LARGE1: variants seen among roughly 807,000 people sequenced by gnomAD.
LARGE1 encodes the protein xylosyl- and glucuronyltransferase LARGE1.
In LARGE1, 43 loss-of-function variants were observed where a neutral mutation model predicts 87.6. The ratio of observed to expected loss-of-function variants is 0.49; its 90% CI spans 0.38 to 0.63. The LOEUF (loss-of-function observed/expected upper bound fraction) is 0.63. LARGE1 is among the 30% of genes least tolerant of loss of function. The pLI is 0.00. For synonymous variants in LARGE1, 434 were observed against 394.6 expected (o/e 1.10, Z -1.18); for missense variants, 802 against 1,000.2 (o/e 0.80, Z 2.67).
At chr22:33,836,787 T>C (rs1195570179) in intron 1 of LARGE1, among the ~76,000 whole-genome samples, 4 of 149,228 alleles carry the variant, frequency 2.7e-5, no homozygotes, top group African/African-American at 7.7e-5. Flanking sequence ...CATCATTATC[T>C]ACCTTACTGG....
At chr22:33,314,426 C>T (rs940197226) in intron 11 of LARGE1, among the ~76,000 whole-genome samples, 3 of 152,198 alleles carry the variant, frequency 2.0e-5, no homozygotes, top group Admixed American at 6.5e-5. Flanking sequence ...TTGCCTCCAG[C>T]GCCAGGTTCC....
At chr22:33,681,399 G>A (rs1172970399) in intron 2 of LARGE1, among the ~76,000 whole-genome samples, 2 of 152,124 alleles carry the variant, frequency 1.3e-5, no homozygotes, top group African/African-American at 4.8e-5. Flanking sequence ...CCCAGGTCTG[G>A]TATTTATTAA....
At chr22:33,561,597 A>T (rs2077864036) in intron 6 of LARGE1, among the ~76,000 whole-genome samples, 1 of 152,214 alleles carries the variant, frequency 6.6e-6, no homozygotes, top group Non-Finnish European at 1.5e-5. Context: ...TTCTTGCAAC[A>T]GTCCCAACAG....
At chr22:33,188,700 T>A (rs1197578488) in intron 11 of LARGE1, among the ~76,000 whole-genome samples, 1 of 152,166 alleles carries the variant, frequency 6.6e-6, no homozygotes, top group Non-Finnish European at 1.5e-5. Flanking sequence ...TAATGACAAT[T>A]GGAGCTGGAG....
At chr22:33,198,480 T>G (rs929747583) in intron 11 of LARGE1, among the ~76,000 whole-genome samples, 1 of 152,048 alleles carries the variant, frequency 6.6e-6, no homozygotes, top group Non-Finnish European at 1.5e-5. Flanking sequence ...ATGTGTATAT[T>G]GCATAGTGGT....
chr22:33,270,788 A>G (rs1928201720), downstream of LARGE1, among the ~76,000 whole-genome samples: 1 of 152,214 alleles, frequency 6.6e-6, no homozygotes, highest in Non-Finnish European at 1.5e-5. Context: ...AAAGGAACAG[A>G]ATTAAAGTAG....
chr22:33,312,350 G>T (rs1180804787), intron 11 of LARGE1, among the ~76,000 whole-genome samples: 1 of 149,578 alleles, frequency 6.7e-6, no homozygotes, highest in East Asian at 2.0e-4. Flanking sequence ...TGAGGCGGGA[G>T]AATCGCTCGA....
At chr22:33,248,709 T>G (rs1926881509) in intron 11 of LARGE1, among the ~76,000 whole-genome samples, 1 of 152,182 alleles carries the variant, frequency 6.6e-6, no homozygotes, top group Non-Finnish European at 1.5e-5. Flanking sequence ...TTTCTCTGTG[T>G]GGTCAACTCC....
intron 1 of LARGE1, among the ~76,000 whole-genome samples, chr22:33,823,350 CCCAAGGACAGA>C (rs1412865665): frequency 6.6e-6 from 1 of 152,164 alleles, no homozygotes; most frequent in African/African-American, 2.4e-5. Flanking sequence ...TAATAAGCTG[CCCAAGGACAGA>C]AGCCTTATGT....
At position 33,541,376 on chromosome 22, in the gene LARGE1, C is replaced by A. The variant is rs565432780; in HGVS notation, c.787+23472G>T. On this transcript the variant is annotated intron_variant, in intron 6 of 14. Transcript: ENST00000397394. ...AAGACGAAAAAGACTGGTATACAAA[C>A]AGGATTATATTATGATCCCAATTTT... Among the ~76,000 whole-genome samples, 5 of 152,148 alleles carry A rather than the reference C, an allele frequency of 3.3e-5. No individual in the cohort carries two copies. The South Asian group carries it at 8.3e-4, about 25-fold the overall frequency.
chr22:33,107,466 A>T, the LARGE1 span, among the ~76,000 whole-genome samples: 2 of 152,144 alleles, frequency 1.3e-5, no homozygotes, highest in Admixed American at 1.3e-4. Context: ...GAGGTAGGAG[A>T]CTTGCTGGAG....
chr22:33,100,405 C>A, the LARGE1 span, among the ~76,000 whole-genome samples: 1 of 145,526 alleles, frequency 6.9e-6, no homozygotes, highest in Non-Finnish European at 1.5e-5. Flanking sequence ...AATCTAAGTT[C>A]ATCAAAATAT....
At chr22:33,541,068 C>T (rs1008791449) in intron 6 of LARGE1, among the ~76,000 whole-genome samples, 4 of 12,338 alleles carry the variant, frequency 3.2e-4, no homozygotes, top group Admixed American at 1.2e-3. Context: ...GGGGGGGGGG[C>T]GGGGGGCGGG....
chr22:33,246,233 CAT>C (rs1221103077), intron 11 of LARGE1, among the ~76,000 whole-genome samples: 1 of 152,192 alleles, frequency 6.6e-6, no homozygotes, highest in African/African-American at 2.4e-5. Flanking sequence ...TCATTCAAAA[CAT>C]GTACAAATCA....
intron 7 of LARGE1, among the ~76,000 whole-genome samples, chr22:33,397,660 C>T (rs150382316): frequency 7.9e-5 from 12 of 152,260 alleles, no homozygotes; most frequent in Admixed American, 4.6e-4. Context: ...TGTCTTTTGA[C>T]GGCATGTGTA....
intron 12 of LARGE1, among the ~76,000 whole-genome samples, chr22:33,286,080 G>A (rs768741698): frequency 1.3e-5 from 2 of 152,154 alleles, no homozygotes; most frequent in African/African-American, 2.4e-5. Context: ...GAGGAGGTTC[G>A]TAAAGGACGA....
intron 6 of LARGE1, among the ~76,000 whole-genome samples, chr22:33,432,562 A>T (rs2067115064): frequency 2.7e-5 from 4 of 150,322 alleles, no homozygotes; most frequent in Non-Finnish European, 5.9e-5. Context: ...AGAATCCCAA[A>T]TCATTCATTC....
At chr22:33,131,926 A>G in the LARGE1 span, among the ~76,000 whole-genome samples, 4 of 152,186 alleles carry the variant, frequency 2.6e-5, no homozygotes, top group Non-Finnish European at 4.4e-5. Flanking sequence ...TCATGGCAGA[A>G]GGCAAGGAGG....
intron 2 of LARGE1, among the ~76,000 whole-genome samples, chr22:33,670,224 TC>T (rs925147932): frequency 6.6e-6 from 1 of 151,880 alleles, no homozygotes; most frequent in African/African-American, 2.4e-5. Flanking sequence ...AGAGTCCCTT[TC>T]CCTATCAATC....
Sources: gnomAD v4.1 joint callset for allele counts (sites outside exome capture counted in the v4.1 genomes callset) on GRCh38, gnomAD v4.1.1 for gene constraint, MANE v1.5 for transcripts, NCBI Gene and HGNC (gene_info 2026-07-23, HGNC 2026-07-21) for gene names.